CNDP2: variants seen among roughly 807,000 people sequenced by gnomAD.
CNDP2 encodes carnosine dipeptidase 2, also known as cytosolic non-specific dipeptidase.
Under a neutral mutation model 55.0 loss-of-function variants are expected in CNDP2, and 38 were observed. The ratio of observed to expected loss-of-function variants is 0.69; its 90% CI spans 0.53 to 0.90. CNDP2 has a LOEUF of 0.90. CNDP2 is among the 40% of genes least tolerant of loss of function. CNDP2 has a pLI of 0.00. For synonymous variants in CNDP2, 241 were observed against 260.2 expected (o/e 0.93, Z 0.71); for missense variants, 607 against 621.7 (o/e 0.98, Z 0.25).
At chr18:74,518,101 AAAGACAAAAAT>A (rs1323787253) in intron 9 of CNDP2, 1 of 158,634 alleles carries the variant, frequency 6.3e-6, no homozygotes, top group African/African-American at 2.4e-5. Context: ...TCTCTACTGA[AAAGACAAAAAT>A]TAGCCGGGTG....
chr18:74,511,783 C>G (rs1979370592), intron 6 of CNDP2, among the ~76,000 whole-genome samples: 1 of 152,062 alleles, frequency 6.6e-6, no homozygotes, highest in Non-Finnish European at 1.5e-5. Flanking sequence ...CTGCCACTCA[C>G]TGGCTGGTGG....
chr18:74,501,840 C>G (rs1308198028), intron 3 of CNDP2, among the ~76,000 whole-genome samples: 3 of 152,132 alleles, frequency 2.0e-5, no homozygotes, highest in Non-Finnish European at 4.4e-5. Flanking sequence ...AAGACTCCCC[C>G]CAACCCCCGG....
rs530874522 is a variant in CNDP2 at position 74,505,699 on chromosome 18, C to T, written c.205-150C>T. The T allele has an allele frequency of 3.1e-4, 233 of 760,982 alleles. 2 individuals carry two copies. The South Asian group carries it at 4.4e-3, about 14-fold the overall frequency. The allele number at this position is 760,982 out of a possible 1,614,324, so 47.1% of individuals were successfully genotyped here. On this transcript the variant is annotated intron_variant, in intron 3 of 11. Transcript: ENST00000324262. ...TAAGAAAGTAAATCTTAATTAGTGA[C>T]TCCATTGAACAGTGTGCTCTTAAAC...
At chr18:74,505,314 TCCAGCCAGG>T (rs1978947085) in intron 3 of CNDP2, 1 of 152,254 alleles carries the variant, frequency 6.6e-6, no homozygotes, top group African/African-American at 2.4e-5. Context: ...ATTTACCAAA[TCCAGCCAGG>T]TGCAGTGGCT....
intron 9 of CNDP2, chr18:74,517,686 C>T (rs1294665810): frequency 6.6e-6 from 1 of 151,792 alleles, no homozygotes; most frequent in Non-Finnish European, 1.5e-5. Context: ...CTGTGAAAGG[C>T]CGGCAAGCAG....
At chr18:74,503,207 A>C (rs185816901) in intron 3 of CNDP2, among the ~76,000 whole-genome samples, 12 of 152,280 alleles carry the variant, frequency 7.9e-5, no homozygotes, top group Non-Finnish European at 1.6e-4. Flanking sequence ...AGGGCCTTTC[A>C]TAAAAAACTA....
Position 74,518,942 on chromosome 18 carries a change from C to CT in CNDP2, c.1211-7_1211-6insT, listed in dbSNP as rs752518680. 2 of 1,613,660 alleles carry CT rather than the reference C, an allele frequency of 1.2e-6. No individual in the cohort carries two copies. Among genetic ancestry groups the CT allele is most frequent in the African/African-American group, 2.7e-5 (2 of 74,808 alleles). ...CTCACCGTTTATTTTATTTCATTTC[C>CT]CCCCAGTTTTTGGTGTTGAGCCAGA... On this transcript the variant is annotated splice_region_variant and splice_polypyrimidine_tract_variant and intron_variant, in intron 10 of 11. Transcript: ENST00000324262.
chr18:74,514,480 T>C lies in CNDP2; in HGVS notation c.903+761T>C, dbSNP rs79319262. Reference sequence around the variant, plus strand: ...CTGCAGGCTATAGGTTTATGTGGTATGGATGTAAGTTCTGCAGCCTGTGGG... The same window carrying C: ...CTGCAGGCTATAGGTTTATGTGGTACGGATGTAAGTTCTGCAGCCTGTGGG... On this transcript the variant is annotated intron_variant, in intron 8 of 11. Coordinates refer to ENST00000324262, the MANE Select transcript of CNDP2 (RefSeq NM_018235.3). Among the ~76,000 whole-genome samples the C allele has an allele frequency of 5.3e-3, 760 of 144,712 alleles. 3 individuals carry two copies. The highest frequency in any genetic ancestry group is 8.3e-3 in the Non-Finnish European group (534 of 64,134). The allele number at this position is 144,712 out of a possible 152,430, so 94.9% of individuals were successfully genotyped here. A position where few individuals can be genotyped will look rare whatever the true frequency, so the allele number is the denominator to read the frequency against.
intron 3 of CNDP2, 79 bp from the exon 4 acceptor site, chr18:74,505,770 G>A: frequency 1.3e-6 from 2 of 1,520,034 alleles, no homozygotes; most frequent in Admixed American, 1.9e-5. Flanking sequence ...GAAGCTCAAG[G>A]TCTTTTAATA....
intron 1 of CNDP2, among the ~76,000 whole-genome samples, chr18:74,498,616 T>C (rs1238156106): frequency 6.6e-6 from 1 of 152,202 alleles, no homozygotes; most frequent in Non-Finnish European, 1.5e-5. Flanking sequence ...ATTGTCCTGC[T>C]AAATAGGATT....
chr18:74,510,960 A>G lies in CNDP2; in HGVS notation c.604A>G (p.Lys202Glu), dbSNP rs1440939050. The change falls in exon 6 of 12, where the codon AAG becomes GAG. Residue 202 changes from lysine (K) to glutamate (E), a missense_variant. Coordinates refer to ENST00000324262, the MANE Select transcript of CNDP2 (RefSeq NM_018235.3). ...TTCTGACAATTACTGGCTGGGAAAG[A>G]AGAAGCCCTGCATCACCTACGGCCT... ...CISDNYWLGK[K>E]KPCITYGLRG... The G allele has an allele frequency of 1.9e-6, 3 of 1,614,100 alleles. No individual in the cohort carries two copies. Among genetic ancestry groups the G allele is most frequent in the Non-Finnish European group, 2.5e-6 (3 of 1,180,046 alleles).
At chr18:74,501,258 A>G in intron 2 of CNDP2, 71 bp from the exon 3 acceptor site, 1 of 1,543,144 alleles carries the variant, frequency 6.5e-7, no homozygotes. Flanking sequence ...GAATGTGGCA[A>G]CGTTACGGGA....
In CNDP2 at chr18:74,501,460, C is replaced by G. The variant is rs762579244; in HGVS notation, c.192C>G (p.Ile64Met). The change falls in exon 3 of 12, where the codon ATC (isoleucine) becomes ATG (methionine). Residue 64 changes from isoleucine (I) to methionine (M), a missense_variant. Transcript: ENST00000324262. Reference protein sequence around the residue: ...QLGGSVELVDIGKQKLPDGSE... With the variant: ...QLGGSVELVDMGKQKLPDGSE... ...GGGGCTCTGTGGAACTGGTGGATAT[C>G]GGAAAACAAAAGGTAGGAGGCAACA... 1.2e-6 allele frequency: 2 copies of G among 1,613,020 alleles called. No individual in the cohort carries two copies. Among genetic ancestry groups the G allele is most frequent in the Non-Finnish European group, 1.7e-6 (2 of 1,179,512 alleles).
At chr18:74,515,748 C>T (rs1979628908) in intron 8 of CNDP2, among the ~76,000 whole-genome samples, 1 of 152,180 alleles carries the variant, frequency 6.6e-6, no homozygotes, top group Non-Finnish European at 1.5e-5. Context: ...GGGGGCCATA[C>T]CGGATGTGCT....
chr18:74,516,123 G>C, intron 8 of CNDP2, 105 bp from the exon 9 acceptor site: 3 of 1,317,398 alleles, frequency 2.3e-6, no homozygotes, highest in Non-Finnish European at 3.1e-6. Context: ...GCCAGGCCCT[G>C]TTTCATACCG....
chr18:74,509,226 G>A, intron 5 of CNDP2: 2 of 382,892 alleles, frequency 5.2e-6, no homozygotes, highest in South Asian at 4.2e-5. Flanking sequence ...GTCTCTGTGA[G>A]TGTGGTCCCT....
Position 74,512,404 on chromosome 18 carries a change from C to G in CNDP2, c.658-44C>G, listed in dbSNP as rs769655475. 25 of 1,520,846 alleles carry G rather than the reference C, an allele frequency of 1.6e-5. No homozygotes were observed. In the South Asian group the frequency reaches 2.8e-4, roughly 17 times the overall value. 94.2% of individuals were successfully genotyped at this position (1,520,846 alleles called of 1,614,324 possible). On this transcript the variant is annotated intron_variant, in intron 6 of 11. Coordinates refer to ENST00000324262, the MANE Select transcript of CNDP2 (RefSeq NM_018235.3). ...TTTACTGTCACATGATAAAAATAAG[C>G]TCCCACTAGGCAGCCAGACACAGTG... is the stretch of plus-strand genomic sequence containing the variant.
In CNDP2 at chr18:74,499,879, C is replaced by A; in HGVS notation, c.-92-3C>A. 9.4e-7 allele frequency: 1 copy of A among 1,059,126 alleles called. No homozygotes were observed. Among genetic ancestry groups the A allele is most frequent in the Non-Finnish European group, 1.4e-6 (1 of 701,498 alleles). The allele number at this position is 1,059,126 out of a possible 1,614,324, so 65.6% of individuals were successfully genotyped here. On this transcript the variant is annotated splice_region_variant and splice_polypyrimidine_tract_variant and intron_variant, in intron 1 of 11. Coordinates refer to ENST00000324262, the MANE Select transcript of CNDP2 (RefSeq NM_018235.3). Reference sequence around the variant, plus strand: ...CAATTCTGAACACGTGCTTTCTGGGCAGGTCGCCCCTCAGTCTCCACTAGA... The same window carrying A: ...CAATTCTGAACACGTGCTTTCTGGGAAGGTCGCCCCTCAGTCTCCACTAGA...
intron 8 of CNDP2, among the ~76,000 whole-genome samples, chr18:74,514,963 C>G (rs541352508): frequency 6.6e-6 from 1 of 152,138 alleles, no homozygotes; most frequent in Non-Finnish European, 1.5e-5. Context: ...TGGGCCTGCA[C>G]GAGGGGAGGG....
Sources: gnomAD v4.1 joint callset for allele counts (sites outside exome capture counted in the v4.1 genomes callset) on GRCh38, gnomAD v4.1.1 for gene constraint, MANE v1.5 for transcripts, NCBI Gene and HGNC (gene_info 2026-07-23, HGNC 2026-07-21) for gene names.